FAM91A1: variants seen among roughly 807,000 people sequenced by gnomAD.
The protein encoded by FAM91A1 is family with sequence similarity 91 member A1.
A neutral mutation model predicts 113.5 loss-of-function variants in FAM91A1; 41 were observed. The ratio of observed to expected loss-of-function variants is 0.36; its 90% CI spans 0.28 to 0.47. The LOEUF (loss-of-function observed/expected upper bound fraction) is 0.47. Among genes scored for constraint, FAM91A1 ranks in the 20% least tolerant of loss-of-function variants. The pLI, the probability that FAM91A1 is intolerant of heterozygous loss-of-function variation, is 1.00. For synonymous variants in FAM91A1, 307 were observed against 347.9 expected, an observed-to-expected ratio of 0.88 and a Z score of 1.31; for missense variants, 696 against 1,001.2, an observed-to-expected ratio of 0.70 and a Z score of 4.11.
At chr8:123,812,382 A>C in intron 23 of FAM91A1, 137 bp from the exon 24 acceptor site, 1 of 624,000 alleles carries the variant, frequency 1.6e-6, no homozygotes. Flanking sequence ...CTCACAGTGT[A>C]GATCTTTGCA....
chr8:123,812,428 C>T lies in FAM91A1; in HGVS notation c.2332-91C>T, dbSNP rs998603784. 23 of 1,134,336 alleles carry T rather than the reference C, an allele frequency of 2.0e-5. No homozygotes were observed. The African/African-American group carries it at 3.2e-4, about 16-fold the overall frequency. 70.3% of individuals were successfully genotyped at this position (1,134,336 alleles called of 1,614,324 possible). ...TGCTTTGCAATCCATAAACACTTCT[C>T]AGGTAATCAAGGTCTCTCTTTCTCA... On this transcript the variant is annotated intron_variant, in intron 23 of 23. Coordinates refer to ENST00000334705, the MANE Select transcript of FAM91A1 (RefSeq NM_144963.4).
chr8:123,805,391 A>C, intron 19 of FAM91A1, 52 bp downstream of exon 19: 2 of 1,356,738 alleles, frequency 1.5e-6, no homozygotes, highest in Non-Finnish European at 2.0e-6. Flanking sequence ...ATTATTACTC[A>C]TGTCAACAGT....
At position 123,810,345 on chromosome 8, in the gene FAM91A1, A is replaced by G; in HGVS notation, c.2325A>G (p.Ser775=). The G allele has an allele frequency of 2.5e-6, 4 of 1,613,312 alleles. No individual in the cohort carries two copies. The highest frequency in any genetic ancestry group is 3.4e-6 in the Non-Finnish European group (4 of 1,179,748). Residue 775 remains serine (S), a synonymous_variant, in exon 23 of 24, where the codon TCA becomes TCG. Coordinates refer to ENST00000334705, the MANE Select transcript of FAM91A1 (RefSeq NM_144963.4). The part of the protein sequence containing the change: ...LSLQVLNFVH[S]FQEGASILDI... The stretch of plus-strand genomic sequence containing the variant: ...TGCAAGTCCTTAACTTTGTTCACTC[A>G]TTCCAGGTAACAAAAACCAAAAAGT...
At chr8:123,795,927 T>G (rs1235604807) in intron 15 of FAM91A1, among the ~76,000 whole-genome samples, 1 of 152,176 alleles carries the variant, frequency 6.6e-6, no homozygotes, top group East Asian at 1.9e-4. Flanking sequence ...CTGCCAGTCT[T>G]TTGGCTATAC....
chr8:123,789,791 T>A (rs2130101419), intron 15 of FAM91A1, 46 bp downstream of exon 15: 1 of 1,589,418 alleles, frequency 6.3e-7, no homozygotes, highest in East Asian at 2.3e-5. Flanking sequence ...ATATGAAACT[T>A]TTTTCTAAGA....
chr8:123,788,374 C>T (rs866308439), intron 14 of FAM91A1: 27 of 456,556 alleles, frequency 5.9e-5, no homozygotes, highest in Middle Eastern at 1.0e-3. Context: ...TAATCTGTTC[C>T]TTGACTAATA....
chr8:123,777,248 T>A lies in FAM91A1; in HGVS notation c.310-17T>A. The A allele has an allele frequency of 1.3e-6, 2 of 1,553,126 alleles. No individual in the cohort carries two copies. The highest frequency in any genetic ancestry group is 1.8e-6 in the Non-Finnish European group (2 of 1,137,158). On this transcript the variant is annotated splice_polypyrimidine_tract_variant and intron_variant, in intron 3 of 23. Coordinates refer to ENST00000334705, the MANE Select transcript of FAM91A1 (RefSeq NM_144963.4). Reference sequence around the variant, plus strand: ...GACATTTTAGATTTCAAATTTAAATTTTTTTCTTTTTAAAAGGATATTATG... The same window carrying A: ...GACATTTTAGATTTCAAATTTAAATATTTTTCTTTTTAAAAGGATATTATG...
At chr8:123,804,207 T>C (rs1815750240) in intron 18 of FAM91A1, among the ~76,000 whole-genome samples, 1 of 149,748 alleles carries the variant, frequency 6.7e-6, no homozygotes, top group African/African-American at 2.5e-5. Flanking sequence ...GTGTAGAGCC[T>C]GGGCGCGGTG....
intron 19 of FAM91A1, 26 bp downstream of exon 19, chr8:123,805,365 C>CTTTTTTTTTTTTTTT: frequency 8.0e-7 from 1 of 1,257,276 alleles, no homozygotes; most frequent in Admixed American, 2.4e-5. Context: ...TATCTATTGA[C>CTTTTTTTTTTTTTTT]TTTTTTTTTT....
chr8:123,780,133 A>G lies in FAM91A1; in HGVS notation c.640+58A>G, dbSNP rs1815084678. On this transcript the variant is annotated intron_variant, in intron 7 of 23. Transcript: ENST00000334705. ...CATAAAAACTTGTTTTAAACCATCA[A>G]TAATTACTAGCAATTACTTATCAAG... 7.1e-6 allele frequency: 10 copies of G among 1,407,730 alleles called. No individual in the cohort carries two copies. The South Asian group carries it at 8.3e-5, about 12-fold the overall frequency. The allele number at this position is 1,407,730 out of a possible 1,614,324, so 87.2% of individuals were successfully genotyped here. A position where few individuals can be genotyped will look rare whatever the true frequency, so the allele number is the denominator to read the frequency against.
At chr8:123,807,503 G>GAAACA (rs1815841322) in intron 20 of FAM91A1, among the ~76,000 whole-genome samples, 1 of 123,396 alleles carries the variant, frequency 8.1e-6, no homozygotes, top group Non-Finnish European at 1.7e-5. Flanking sequence ...AAAAAAAAAA[G>GAAACA]AAACAAAAAA....
At position 123,814,859 on chromosome 8, in the gene FAM91A1, A is replaced by C. The variant is rs1162557138; in HGVS notation, c.*2155A>C. ...TTGATCCATTTCAACAAAAAGGTAA[A>C]TTTAAAATGCAGACTTTGTTATTTG... On this transcript the variant is annotated 3_prime_UTR_variant, in exon 24 of 24. Coordinates refer to ENST00000334705, the MANE Select transcript of FAM91A1 (RefSeq NM_144963.4). 6.6e-6 allele frequency: 1 copy of C among 152,670 alleles called. No individual in the cohort carries two copies. Among genetic ancestry groups the C allele is most frequent in the African/African-American group, 2.4e-5 (1 of 41,478 alleles). 9.5% of individuals were successfully genotyped at this position (152,670 alleles called of 1,614,324 possible). A position where few individuals can be genotyped will look rare whatever the true frequency, so the allele number is the denominator to read the frequency against.
chr8:123,793,903 A>G (rs1489769205), intron 15 of FAM91A1, among the ~76,000 whole-genome samples: 1 of 152,218 alleles, frequency 6.6e-6, no homozygotes, highest in African/African-American at 2.4e-5. Context: ...TTAGAGAGCA[A>G]TAGGATTTCG....
Position 123,814,262 on chromosome 8 carries a change from A to G in FAM91A1, c.*1558A>G, listed in dbSNP as rs181128433. 1.3e-4 allele frequency: 41 copies of G among 325,022 alleles called. No homozygotes were observed. In the East Asian group the frequency reaches 3.3e-3, roughly 26 times the overall value. The allele number at this position is 325,022 out of a possible 1,614,324, so 20.1% of individuals were successfully genotyped here. A position where few individuals can be genotyped will look rare whatever the true frequency, so the allele number is the denominator to read the frequency against. On this transcript the variant is annotated 3_prime_UTR_variant, in exon 24 of 24. Coordinates refer to ENST00000334705, the MANE Select transcript of FAM91A1 (RefSeq NM_144963.4). ...TCTGAGTCACTCACTTATTTTTCCA[A>G]TAATTGATATTGTACATTCCTAGTG...
At chr8:123,775,390 T>C in intron 3 of FAM91A1, 92 bp downstream of exon 3, 1 of 1,455,978 alleles carries the variant, frequency 6.9e-7, no homozygotes, top group Non-Finnish European at 9.4e-7. Context: ...TCAGCTGTCG[T>C]CTGCGGTGGA....
Position 123,785,728 on chromosome 8 carries a change from G to T in FAM91A1, c.949G>T (p.Val317Leu). 1 of 1,589,540 alleles carries T rather than the reference G, an allele frequency of 6.3e-7. No homozygotes were observed. The highest frequency in any genetic ancestry group is 8.5e-7 in the Non-Finnish European group (1 of 1,170,758). ...TTCATCATGGAAGAATGTTCCATCC[G>T]TAAACAGATTAAAGTAACTTAAATT... is the stretch of plus-strand genomic sequence containing the variant. ...LHSSWKNVPS[V>L]NRLKSTLDPQ... The change falls in exon 11 of 24, where the codon GTA becomes TTA. Residue 317 changes from valine to leucine, a missense_variant. By Grantham distance (32) the Val-to-Leu change is conservative (BLOSUM62 1). Transcript: ENST00000334705.
At chr8:123,805,581 G>C (rs1815784317) in intron 19 of FAM91A1, among the ~76,000 whole-genome samples, 1 of 152,152 alleles carries the variant, frequency 6.6e-6, no homozygotes, top group African/African-American at 2.4e-5. Context: ...GGAATAAAGA[G>C]AATAAGTAGA....
chr8:123,778,013 T>C lies in FAM91A1; in HGVS notation c.368-12T>C, dbSNP rs1251296358. The C allele has an allele frequency of 2.5e-6, 4 of 1,608,582 alleles. No homozygotes were observed. In the South Asian group the frequency reaches 4.4e-5, roughly 18 times the overall value. On this transcript the variant is annotated splice_polypyrimidine_tract_variant and intron_variant, in intron 4 of 23. Coordinates refer to ENST00000334705, the MANE Select transcript of FAM91A1 (RefSeq NM_144963.4). ...TGTTAAATGTTTTTAAAGGAAAGAC[T>C]CTTTTTTTCAGGTCTAAGGCTTCTT...
chr8:123,806,311 C>T, intron 20 of FAM91A1, 82 bp downstream of exon 20: 2 of 1,373,852 alleles, frequency 1.5e-6, no homozygotes, highest in African/African-American at 2.9e-5. Flanking sequence ...AGCAGCAGAC[C>T]TTTGTGGGGA....
Sources: gnomAD v4.1 joint callset for allele counts (sites outside exome capture counted in the v4.1 genomes callset) on GRCh38, gnomAD v4.1.1 for gene constraint, MANE v1.5 for transcripts, NCBI Gene and HGNC (gene_info 2026-07-23, HGNC 2026-07-21) for gene names.